The following PLBD2 variants were observed in gnomAD, a reference collection of about 807,000 sequenced individuals.
PLBD2 encodes the protein phospholipase B domain containing 2.
In PLBD2, 51 loss-of-function variants were observed where a neutral mutation model predicts 68.3. The ratio of observed to expected loss-of-function variants is 0.75; its 90% confidence interval spans 0.60 to 0.94. The LOEUF is 0.94. Ranked by LOEUF, PLBD2 falls within the 40% of genes least tolerant of loss-of-function variation. The pLI is 0.00. For synonymous variants in PLBD2, 314 were observed against 339.3 expected, an observed-to-expected ratio of 0.93 and a Z score of 0.82; for missense variants, 729 against 792.2, an observed-to-expected ratio of 0.92 and a Z score of 0.96.
Position 113,369,243 on chromosome 12 carries a change from C to G in PLBD2, c.384+34C>G. 2.0e-6 allele frequency: 3 copies of G among 1,517,442 alleles called. No homozygotes were observed. In the South Asian group the frequency reaches 3.6e-5, roughly 18 times the overall value. 94.0% of individuals were successfully genotyped at this position (1,517,442 alleles called of 1,614,324 possible). The stretch of plus-strand genomic sequence containing the variant: ...CAAGGTGGGGACATGGGGCTCCCAC[C>G]CTGCCCCAGCCCCACAAGCATGTTC... On this transcript the variant is annotated intron_variant, in intron 2 of 11. Coordinates refer to ENST00000280800, the MANE Select transcript of PLBD2 (RefSeq NM_173542.4).
At chr12:113,381,754 T>A (rs1307696781) in intron 6 of PLBD2, among the ~76,000 whole-genome samples, 1 of 152,208 alleles carries the variant, frequency 6.6e-6, no homozygotes, top group Non-Finnish European at 1.5e-5. Flanking sequence ...TTTTGTGCCA[T>A]AAACACCTTG....
intron 1 of PLBD2, among the ~76,000 whole-genome samples, chr12:113,361,959 C>T (rs142813513): frequency 6.6e-6 from 1 of 152,310 alleles, no homozygotes; most frequent in East Asian, 1.9e-4. Context: ...CCCAAATCCA[C>T]CAACCAACAG....
Position 113,388,568 on chromosome 12 carries a change from T to A in PLBD2, c.1712T>A (p.Leu571Gln). 6.2e-7 allele frequency: 1 copy of A among 1,610,920 alleles called. No individual in the cohort carries two copies. Among genetic ancestry groups the A allele is most frequent in the Non-Finnish European group, 8.5e-7 (1 of 1,178,124 alleles). ...QWSTSPFSGL[L>Q]HMGQPDLWKF... ...AGCACCTCGCCCTTCAGCGGCCTGC[T>A]GCACATGGGCCAGCCAGACCTCTGG... is the stretch of plus-strand genomic sequence containing the variant. The change falls in exon 12 of 12, where the codon CTG (leucine) becomes CAG (glutamine). Residue 571 changes from leucine (L) to glutamine (Q), a missense_variant. By Grantham distance (113) the Leu-to-Gln change is moderately radical (BLOSUM62 -2). Transcript: ENST00000280800.
At position 113,375,006 on chromosome 12, in the gene PLBD2, G is replaced by C; in HGVS notation, c.858G>C (p.Trp286Cys). 1 of 1,614,006 alleles carries C rather than the reference G, an allele frequency of 6.2e-7. No individual in the cohort carries two copies. Among genetic ancestry groups the C allele is most frequent in the East Asian group, 2.2e-5 (1 of 44,886 alleles). ...KYWLQFREGP[W>C]GDYPLVPGNK... Reference sequence around the variant, plus strand: ...GGCTCCAGTTCCGGGAAGGCCCCTGGGGTAGGTGGGTGTGGGTGTGTCTGG... The same window carrying C: ...GGCTCCAGTTCCGGGAAGGCCCCTGCGGTAGGTGGGTGTGGGTGTGTCTGG... Residue 286 changes from tryptophan to cysteine, a missense_variant and splice_region_variant, in exon 5 of 12, where the codon TGG (tryptophan) becomes TGC (cysteine). Trp to Cys is a radical substitution (Grantham distance 215). Coordinates refer to ENST00000280800, the MANE Select transcript of PLBD2 (RefSeq NM_173542.4).
rs1353916623 is a variant in PLBD2, at chr12:113,390,316, GTCACCCATCCACCCATCCATCCATCCAA to G, written c.*1702_*1729del. ...TATCCACCCATCCACCTACCTATTT[GTCACCCATCCACCCATCCATCCATCCAA>G]TCACCCATCCAACCATCAATCCAAC... On this transcript the variant is annotated 3_prime_UTR_variant, in exon 12 of 12. Transcript: ENST00000280800. The G allele has an allele frequency of 6.8e-6, 1 of 146,396 alleles. No individual in the cohort carries two copies. The highest frequency in any genetic ancestry group is 1.5e-5 in the Non-Finnish European group (1 of 66,476). The allele number at this position is 146,396 out of a possible 1,614,324, so 9.1% of individuals were successfully genotyped here.
At chr12:113,358,991 C>G in intron 1 of PLBD2, 101 bp downstream of exon 1, 1 of 1,288,412 alleles carries the variant, frequency 7.8e-7, no homozygotes, top group South Asian at 1.6e-5. Flanking sequence ...CGGGTGGGAA[C>G]GCCCGTTTCT....
intron 5 of PLBD2, 71 bp from the exon 6 acceptor site, chr12:113,380,674 G>C (rs1002894020): frequency 1.6e-6 from 2 of 1,279,076 alleles, no homozygotes; most frequent in Non-Finnish European, 2.2e-6. Flanking sequence ...CCTGTGTCTT[G>C]TTAGGTAGGG....
At chr12:113,365,294 A>G (rs571325601) in intron 1 of PLBD2, among the ~76,000 whole-genome samples, 19 of 152,244 alleles carry the variant, frequency 1.2e-4, no homozygotes, top group Middle Eastern at 3.4e-3. Context: ...AATGGGAAGA[A>G]TAAAACCCAT....
intron 5 of PLBD2, among the ~76,000 whole-genome samples, chr12:113,379,724 A>G (rs1019466943): frequency 4.6e-5 from 7 of 152,064 alleles, no homozygotes; most frequent in African/African-American, 1.7e-4. Flanking sequence ...AGGCAGGAGA[A>G]GCGCTTACAA....
chr12:113,385,362 T>C (rs1365015768), intron 9 of PLBD2, 79 bp downstream of exon 9: 2 of 1,345,834 alleles, frequency 1.5e-6, no homozygotes, highest in Non-Finnish European at 2.1e-6. Flanking sequence ...TCCTAGGCAA[T>C]GTTTTTAAAC....
chr12:113,384,299 C>A lies in PLBD2; in HGVS notation c.1118+34C>A. Reference sequence around the variant, plus strand: ...GCTTCTGGCCCTGTGGCTTCCCCTGCACCAAGAGATAGACCAACCTCCCCT... The same window carrying A: ...GCTTCTGGCCCTGTGGCTTCCCCTGAACCAAGAGATAGACCAACCTCCCCT... On this transcript the variant is annotated intron_variant, in intron 7 of 11. Transcript: ENST00000280800. The surrounding 1 kb of genome is among the most constrained non-coding windows in gnomAD (Gnocchi z 4.2). 2 of 1,584,876 alleles carry A rather than the reference C, an allele frequency of 1.3e-6. No homozygotes were observed. The highest frequency in any genetic ancestry group is 1.2e-5 in the South Asian group (1 of 86,628).
chr12:113,361,054 T>A (rs1299305355), intron 1 of PLBD2, among the ~76,000 whole-genome samples: 4 of 151,942 alleles, frequency 2.6e-5, no homozygotes, highest in African/African-American at 7.3e-5. Context: ...GAAACTGAGG[T>A]CCTCAGAGAC....
At chr12:113,371,527 A>T (rs1957388881) in intron 2 of PLBD2, among the ~76,000 whole-genome samples, 1 of 152,258 alleles carries the variant, frequency 6.6e-6, no homozygotes, top group African/African-American at 2.4e-5. Flanking sequence ...GGAAGTGGTC[A>T]GATGCTGGGC....
rs867827880 is a variant in PLBD2 at position 113,382,873 on chromosome 12, T to G, written c.958-1232T>G. Among the ~76,000 whole-genome samples, 1,310 of 135,232 alleles carry G rather than the reference T, an allele frequency of 9.7e-3. 17 individuals carry two copies. The highest frequency in any genetic ancestry group is 0.032 in the African/African-American group (1,117 of 34,518). The allele number at this position is 135,232 out of a possible 152,430, so 88.7% of individuals were successfully genotyped here. The stretch of plus-strand genomic sequence containing the variant: ...TGTGTGTGTGTGTGTGTGTGTTTTT[T>G]TTTTTTTTTTTTTTTTTAGATAGGC... On this transcript the variant is annotated intron_variant, in intron 6 of 11. Coordinates refer to ENST00000280800, the MANE Select transcript of PLBD2 (RefSeq NM_173542.4).
chr12:113,382,835 T>TTTTTTGTGTGTG (rs1335785271), intron 6 of PLBD2, among the ~76,000 whole-genome samples: 2 of 106,610 alleles, frequency 1.9e-5, no homozygotes, highest in Non-Finnish European at 3.7e-5. Flanking sequence ...TGGTGGTTTT[T>TTTTTTGTGTGTG]TGTGTGTGTG....
chr12:113,387,776 T>G lies in PLBD2; in HGVS notation c.1472T>G (p.Leu491Arg). ...YNDFLHDPLS[L>R]CKACNPQPNG... is the part of the protein sequence containing the mutation. ...GACTTCCTCCATGACCCTCTGTCAC[T>G]GTGCAAAGCCTGCAACCCCCAGCCC... The change falls in exon 11 of 12, where the codon CTG becomes CGG. Residue 491 changes from leucine to arginine, a missense_variant. Coordinates refer to ENST00000280800, the MANE Select transcript of PLBD2 (RefSeq NM_173542.4). 1 of 1,614,174 alleles carries G rather than the reference T, an allele frequency of 6.2e-7. No individual in the cohort carries two copies. The highest frequency in any genetic ancestry group is 8.5e-7 in the Non-Finnish European group (1 of 1,180,004).
chr12:113,369,915 T>C (rs1403539879), intron 2 of PLBD2, among the ~76,000 whole-genome samples: 4 of 151,992 alleles, frequency 2.6e-5, no homozygotes, highest in Non-Finnish European at 5.9e-5. Context: ...TTTTTTTTTT[T>C]TTGAGACAGA....
intron 1 of PLBD2, among the ~76,000 whole-genome samples, chr12:113,365,375 A>G (rs1000302217): frequency 6.6e-6 from 1 of 150,750 alleles, no homozygotes; most frequent in East Asian, 2.0e-4. Context: ...CGGCTGGAGT[A>G]TAGTGGCACA....
chr12:113,365,275 C>T (rs1238923305), intron 1 of PLBD2, among the ~76,000 whole-genome samples: 1 of 151,908 alleles, frequency 6.6e-6, no homozygotes, highest in East Asian at 1.9e-4. Context: ...CGGTTCCCCA[C>T]ATCTGTAAAA....
Sources: allele counts gnomAD v4.1 joint callset (sites outside exome capture counted in the v4.1 genomes callset), GRCh38; gene constraint gnomAD v4.1.1; non-coding constraint Gnocchi (gnomAD v3.1); transcripts MANE v1.5; gene names NCBI Gene and HGNC (gene_info 2026-07-23, HGNC 2026-07-21).